The following LYN variants were observed in gnomAD, a reference collection of about 807,000 sequenced individuals.
LYN encodes the protein tyrosine-protein kinase Lyn.
A neutral mutation model predicts 65.0 loss-of-function variants in LYN; 12 were observed. The ratio of observed to expected loss-of-function variants is 0.18; its 90% CI spans 0.12 to 0.30. The LOEUF (loss-of-function observed/expected upper bound fraction) is 0.30, where lower values mean the gene tolerates loss of function less well. Ranked by LOEUF, LYN falls within the 10% of genes least tolerant of loss-of-function variation. LYN has a pLI of 1.00. For synonymous variants in LYN, 222 were observed against 221.2 expected (o/e 1.00, Z -0.03); for missense variants, 380 against 623.2 (o/e 0.61, Z 4.16).
At chr8:55,880,238 G>A (rs1563490583) in intron 1 of LYN, 135 bp downstream of exon 1, 1 of 154,194 alleles carries the variant, frequency 6.5e-6, no homozygotes, top group Non-Finnish European at 1.4e-5. Flanking sequence ...GGCCCGCGGC[G>A]GCTTCCTGGC....
chr8:55,902,272 T>C (rs987899974), intron 1 of LYN, among the ~76,000 whole-genome samples: 12 of 151,866 alleles, frequency 7.9e-5, no homozygotes, highest in African/African-American at 2.9e-4. Context: ...CCTCCCAAAG[T>C]GCTGGGATGA....
At chr8:55,983,969 G>A (rs1224748455) in intron 10 of LYN, among the ~76,000 whole-genome samples, 1 of 152,136 alleles carries the variant, frequency 6.6e-6, no homozygotes, top group Non-Finnish European at 1.5e-5. Context: ...GTGCTTCCAG[G>A]TTCTTGGGAA....
chr8:56,003,529 G>T (rs543075422), intron 12 of LYN, among the ~76,000 whole-genome samples: 3 of 152,060 alleles, frequency 2.0e-5, no homozygotes, highest in African/African-American at 4.8e-5. Context: ...TTAGCCCGGC[G>T]TGGTGGCCAA....
intron 10 of LYN, among the ~76,000 whole-genome samples, chr8:55,997,336 G>A (rs1203480853): frequency 6.6e-6 from 1 of 152,142 alleles, no homozygotes; most frequent in African/African-American, 2.4e-5. Flanking sequence ...TATTTTCATA[G>A]TTGGTTCAGG....
chr8:55,948,695 C>T (rs538153917), intron 4 of LYN, among the ~76,000 whole-genome samples: 51 of 152,294 alleles, frequency 3.3e-4, no homozygotes, highest in African/African-American at 9.9e-4. Context: ...CAAGGTGTTC[C>T]GTGGTTGAGA....
At chr8:55,972,950 G>A (rs748812732) in intron 10 of LYN, among the ~76,000 whole-genome samples, 2 of 152,300 alleles carry the variant, frequency 1.3e-5, no homozygotes, top group South Asian at 2.1e-4. Context: ...TGTCAATAGC[G>A]TCAGAGTTGG....
chr8:55,917,588 G>C (rs532975200), intron 1 of LYN, among the ~76,000 whole-genome samples: 1 of 152,302 alleles, frequency 6.6e-6, no homozygotes, highest in South Asian at 2.1e-4. Flanking sequence ...TGTGACAGGG[G>C]CTAGCAAGAA....
chr8:55,908,407 G>A (rs1805492768), intron 1 of LYN, among the ~76,000 whole-genome samples: 1 of 151,576 alleles, frequency 6.6e-6, no homozygotes, highest in African/African-American at 2.4e-5. Context: ...ACCGCGACCT[G>A]CTAATTTTTG....
chr8:55,974,350 A>G (rs1807694173), intron 10 of LYN, among the ~76,000 whole-genome samples: 2 of 152,224 alleles, frequency 1.3e-5, no homozygotes, highest in Admixed American at 6.5e-5. Flanking sequence ...TATTGCCAAG[A>G]TGGAGGTTAT....
intron 1 of LYN, among the ~76,000 whole-genome samples, chr8:55,920,051 C>T (rs564776710): frequency 6.6e-6 from 1 of 152,246 alleles, no homozygotes; most frequent in African/African-American, 2.4e-5. Context: ...AAGTCAATGC[C>T]AATTGAAAAA....
At chr8:55,969,582 TA>T in intron 9 of LYN, 134 bp from the exon 10 acceptor site, 1 of 715,024 alleles carries the variant, frequency 1.4e-6, no homozygotes, top group East Asian at 2.5e-5. Flanking sequence ...GAAAAGGCTT[TA>T]TATAACCATA....
intron 1 of LYN, among the ~76,000 whole-genome samples, chr8:55,911,870 G>GA (rs536057256): frequency 3.3e-5 from 5 of 152,182 alleles, no homozygotes; most frequent in African/African-American, 1.2e-4. Context: ...GAGAAGATGG[G>GA]AGGGGAGTGG....
chr8:55,942,807 G>A (rs1005075130), intron 2 of LYN, among the ~76,000 whole-genome samples: 1 of 146,522 alleles, frequency 6.8e-6, no homozygotes, highest in African/African-American at 2.5e-5. Flanking sequence ...AAAAAAAGAT[G>A]TAGTGAGATT....
At chr8:55,998,952 T>A (rs993804933) in intron 11 of LYN, among the ~76,000 whole-genome samples, 6 of 152,190 alleles carry the variant, frequency 3.9e-5, no homozygotes, top group African/African-American at 1.4e-4. Context: ...AAAAATCTAC[T>A]TCTTTATTTT....
Position 55,927,065 on chromosome 8 carries a change from A to G in LYN, c.-5-14790A>G, listed in dbSNP as rs183078699. Among the ~76,000 whole-genome samples, 18 of 152,352 alleles carry G rather than the reference A, an allele frequency of 1.2e-4. No individual in the cohort carries two copies. In the East Asian group the frequency reaches 3.3e-3, roughly 28 times the overall value. On this transcript the variant is annotated intron_variant, in intron 1 of 12. Coordinates refer to ENST00000519728, the MANE Select transcript of LYN (RefSeq NM_002350.4). ...TGAACATGTTACATTAGTGTGGTAC[A>G]TTTGTTATCACTGATAAGCCAATGT...
chr8:55,926,312 G>C (rs998826859), intron 1 of LYN, among the ~76,000 whole-genome samples: 1 of 152,192 alleles, frequency 6.6e-6, no homozygotes, highest in Non-Finnish European at 1.5e-5. Context: ...TTACTGAATG[G>C]TTGATTGAGA....
chr8:55,995,981 G>A (rs912228913), intron 10 of LYN, among the ~76,000 whole-genome samples: 3 of 152,242 alleles, frequency 2.0e-5, no homozygotes, highest in Admixed American at 1.3e-4. Flanking sequence ...TAGTATTCTG[G>A]TCATGTGAAA....
intron 1 of LYN, among the ~76,000 whole-genome samples, chr8:55,933,209 C>T (rs1806318438): frequency 6.6e-6 from 1 of 152,220 alleles, no homozygotes. Flanking sequence ...GCTGTTAAAA[C>T]TATCCCATCT....
intron 1 of LYN, among the ~76,000 whole-genome samples, chr8:55,889,147 C>CT (rs144759031): frequency 0.037 from 5,589 of 152,230 alleles, 338 homozygotes; most frequent in African/African-American, 0.13. Flanking sequence ...TACTGGGTAG[C>CT]TAGGATTACA....
Sources: gnomAD v4.1 joint callset for allele counts (sites outside exome capture counted in the v4.1 genomes callset) on GRCh38, gnomAD v4.1.1 for gene constraint, MANE v1.5 for transcripts, NCBI Gene and HGNC (gene_info 2026-07-23, HGNC 2026-07-21) for gene names.